The following ADK variants were observed in gnomAD, a reference collection of about 807,000 sequenced individuals.
ADK encodes the protein adenosine kinase, also known as N6,N6-dimethyladenosine kinase.
In ADK, 24 loss-of-function variants were observed where a neutral mutation model predicts 44.7. The ratio of observed to expected loss-of-function variants is 0.54; its 90% CI spans 0.39 to 0.76. The LOEUF is 0.76. ADK is among the 30% of genes least tolerant of loss of function. The pLI is 0.00. For missense variants in ADK, 321 were observed against 425.1 expected, an observed-to-expected ratio of 0.76 and a Z score of 2.15; for synonymous variants, 128 against 142.6, an observed-to-expected ratio of 0.90 and a Z score of 0.73.
intron 4 of ADK, among the ~76,000 whole-genome samples, chr10:74,386,063 C>T (rs1843129832): frequency 6.6e-6 from 1 of 152,150 alleles, no homozygotes; most frequent in African/African-American, 2.4e-5. Context: ...TTTGCCCTGT[C>T]TCACTTGGTG....
At chr10:74,362,002 C>G (rs977049903) in intron 4 of ADK, among the ~76,000 whole-genome samples, 1 of 152,056 alleles carries the variant, frequency 6.6e-6, no homozygotes, top group African/African-American at 2.4e-5. Flanking sequence ...TTCTTTGTGC[C>G]TTTGACCTTT....
chr10:74,342,454 A>T (rs946378911), intron 4 of ADK, among the ~76,000 whole-genome samples: 3 of 152,112 alleles, frequency 2.0e-5, no homozygotes, highest in Non-Finnish European at 2.9e-5. Context: ...GATGGCTTAG[A>T]GATACAATTG....
chr10:74,664,761 G>GA (rs1296837549), intron 9 of ADK, among the ~76,000 whole-genome samples: 8 of 152,142 alleles, frequency 5.3e-5, no homozygotes, highest in African/African-American at 1.9e-4. Context: ...GATATCGCTT[G>GA]AACCTGGGAG....
At chr10:74,366,014 C>G (rs1295686440) in intron 4 of ADK, among the ~76,000 whole-genome samples, 1 of 152,122 alleles carries the variant, frequency 6.6e-6, no homozygotes, top group Non-Finnish European at 1.5e-5. Context: ...ATGCATACAT[C>G]TTTTTGGGAG....
At chr10:74,458,236 A>T (rs1846030974) in intron 6 of ADK, among the ~76,000 whole-genome samples, 1 of 132,114 alleles carries the variant, frequency 7.6e-6, no homozygotes, top group African/African-American at 2.9e-5. Flanking sequence ...GGCCCAAGTG[A>T]TCCTCTCACT....
At chr10:74,507,004 G>A (rs931738887) in intron 6 of ADK, among the ~76,000 whole-genome samples, 1 of 152,076 alleles carries the variant, frequency 6.6e-6, no homozygotes, top group African/African-American at 2.4e-5. Flanking sequence ...TTGTACAAGG[G>A]TCAACTGTAT....
chr10:74,404,666 A>G (rs1005986576), intron 6 of ADK, among the ~76,000 whole-genome samples: 14 of 152,088 alleles, frequency 9.2e-5, no homozygotes, highest in Admixed American at 7.2e-4. Flanking sequence ...CACAACCCCC[A>G]TTCCCCAAAT....
intron 9 of ADK, among the ~76,000 whole-genome samples, chr10:74,629,531 G>C (rs573877825): frequency 3.9e-5 from 6 of 152,174 alleles, no homozygotes; most frequent in Non-Finnish European, 5.9e-5. Context: ...CTACTGCAGT[G>C]CTAAATTAAA....
chr10:74,461,628 T>G (rs1589134357), intron 6 of ADK, among the ~76,000 whole-genome samples: 1 of 152,094 alleles, frequency 6.6e-6, no homozygotes, highest in East Asian at 1.9e-4. Context: ...AATTCATACA[T>G]TTTGTAGGCT....
At chr10:74,585,912 G>A (rs189392354) in intron 7 of ADK, among the ~76,000 whole-genome samples, 37 of 152,272 alleles carry the variant, frequency 2.4e-4, no homozygotes, top group African/African-American at 7.7e-4. Flanking sequence ...AATTTAGTGC[G>A]ATCAGTTCAC....
intron 3 of ADK, among the ~76,000 whole-genome samples, chr10:74,245,171 A>G (rs1177303281): frequency 6.6e-6 from 1 of 152,232 alleles, no homozygotes; most frequent in Admixed American, 6.5e-5. Flanking sequence ...GGGTACATGT[A>G]TAACTTTCAA....
chr10:74,595,157 C>T (rs1390263078), intron 8 of ADK, among the ~76,000 whole-genome samples: 5 of 104,254 alleles, frequency 4.8e-5, no homozygotes, highest in African/African-American at 1.5e-4. Context: ...GCCTGGGCAA[C>T]AAGAGCCAAA....
rs775224013 is a variant in ADK at position 74,383,408 on chromosome 10, G to GTCTCTGTCTCTGTCTC, written c.274-10728_274-10727insGTCTCTGTCTCTCTCT. Among the ~76,000 whole-genome samples, 171 of 150,316 alleles carry GTCTCTGTCTCTGTCTC rather than the reference G, an allele frequency of 1.1e-3. 1 individual carries two copies. The highest frequency in any genetic ancestry group is 3.4e-3 in the Middle Eastern group (1 of 294). ...TCTGTCTGTCTCTGTCTCTGTCTCT[G>GTCTCTGTCTCTGTCTC]TCTCTCTCTCTCTCTCTCTTTCTCG... On this transcript the variant is annotated intron_variant, in intron 4 of 10. Transcript: ENST00000539909.
chr10:74,603,657 T>C (rs370697677), intron 9 of ADK, among the ~76,000 whole-genome samples: 3 of 152,334 alleles, frequency 2.0e-5, no homozygotes, highest in South Asian at 2.1e-4. Context: ...CAGTCTATCA[T>C]TGATGGGCAT....
chr10:74,234,443 T>C (rs1591906129), intron 3 of ADK, among the ~76,000 whole-genome samples: 1 of 152,226 alleles, frequency 6.6e-6, no homozygotes, highest in East Asian at 1.9e-4. Context: ...TTCCATTTTG[T>C]ATAAGTTCAG....
At chr10:74,204,498 T>G (rs540336104) in intron 2 of ADK, among the ~76,000 whole-genome samples, 3 of 152,158 alleles carry the variant, frequency 2.0e-5, no homozygotes, top group Non-Finnish European at 2.9e-5. Context: ...TAAACTCAAA[T>G]GTCAAAGGGT....
At chr10:74,246,441 TA>T (rs1030175125) in intron 3 of ADK, among the ~76,000 whole-genome samples, 2 of 152,242 alleles carry the variant, frequency 1.3e-5, no homozygotes, top group African/African-American at 2.4e-5. Flanking sequence ...TGGTTGGTTT[TA>T]TAGACAGAAA....
At chr10:74,664,426 C>A (rs1361712429) in intron 9 of ADK, among the ~76,000 whole-genome samples, 1 of 152,112 alleles carries the variant, frequency 6.6e-6, no homozygotes, top group Admixed American at 6.6e-5. Flanking sequence ...GAGCAGAAAC[C>A]AGCTGAAGGG....
At chr10:74,433,000 T>TTAG (rs1351428614) in intron 6 of ADK, among the ~76,000 whole-genome samples, 1 of 152,224 alleles carries the variant, frequency 6.6e-6, no homozygotes, top group Non-Finnish European at 1.5e-5. Flanking sequence ...AAGGCTTTAC[T>TTAG]TTACTAAGTG....
Sources: gnomAD v4.1 joint callset for allele counts (sites outside exome capture counted in the v4.1 genomes callset) on GRCh38, gnomAD v4.1.1 for gene constraint, MANE v1.5 for transcripts, NCBI Gene and HGNC (gene_info 2026-07-23, HGNC 2026-07-21) for gene names.